The following SPTA1 variants were observed in gnomAD, a reference collection of about 807,000 sequenced individuals.
SPTA1 encodes the protein spectrin alpha chain, erythrocytic 1.
A neutral mutation model predicts 324.7 loss-of-function variants in SPTA1; 177 were observed. The observed-to-expected ratio is 0.55, with a 90% CI of 0.48 to 0.62. The LOEUF (loss-of-function observed/expected upper bound fraction) is 0.62. Among genes scored for constraint, SPTA1 ranks in the 20% least tolerant of loss-of-function variants. SPTA1 has a pLI of 0.00. For missense variants in SPTA1, 3,162 were observed against 2,883.6 expected (o/e 1.10, Z -2.21); for synonymous variants, 1,195 against 1,041.3 (o/e 1.15, Z -2.84).
chr1:158,666,141 A>C (rs1013372322), intron 16 of SPTA1, among the ~76,000 whole-genome samples, 175 bp downstream of exon 16: 3 of 152,058 alleles, frequency 2.0e-5, no homozygotes, highest in Admixed American at 1.3e-4. Context: ...ATAATTACTT[A>C]TTAAGTAATA....
intron 16 of SPTA1, among the ~76,000 whole-genome samples, chr1:158,665,419 A>G (rs16840479): frequency 0.03 from 3,107 of 103,960 alleles, 103 homozygotes; most frequent in African/African-American, 0.14. Flanking sequence ...AGTAGGCATC[A>G]TGAAAGTGTA....
At chr1:158,650,567 C>T (rs779163553) in intron 24 of SPTA1, among the ~76,000 whole-genome samples, 3 of 152,182 alleles carry the variant, frequency 2.0e-5, no homozygotes, top group Non-Finnish European at 2.9e-5. Context: ...CTATATTCTC[C>T]TTCTTCAGCA....
Position 158,616,044 on chromosome 1 carries a change from G to GA in SPTA1, c.6601-642dup, listed in dbSNP as rs1295756543. ...TATTCTGATGATTGTGGAGTGCAGTGAAAAAAATGTGGGATATGACAAAGC... is the reference window on the plus strand; with the variant it reads ...TATTCTGATGATTGTGGAGTGCAGTGAAAAAAAATGTGGGATATGACAAAGC... On this transcript the variant is annotated intron_variant, in intron 47 of 51. Transcript: ENST00000643759. Among the ~76,000 whole-genome samples the GA allele has an allele frequency of 3.3e-5, 5 of 152,172 alleles. No homozygotes were observed. The East Asian group carries it at 7.7e-4, about 24-fold the overall frequency.
chr1:158,671,628 A>G (rs1415746431), intron 11 of SPTA1, among the ~76,000 whole-genome samples, 175 bp from the exon 12 acceptor site: 1 of 152,130 alleles, frequency 6.6e-6, no homozygotes, highest in African/African-American at 2.4e-5. Context: ...CTCCTTCCTG[A>G]TACTCTCATA....
Position 158,615,283 on chromosome 1 carries a change from G to C in SPTA1, c.6721C>G (p.Gln2241Glu). Residue 2241 changes from glutamine (Q) to glutamate (E), a missense_variant, in exon 48 of 52, where the codon CAG becomes GAG. Transcript: ENST00000643759. The stretch of plus-strand genomic sequence containing the variant: ...CCAAGCTGGTAGAGCTGGTCCCACT[G>C]CTGAGCCAATCCAATGGTGCTGTAT... Reference protein sequence around the residue: ...IKYSTIGLAQQWDQLYQLGLR... With the variant: ...IKYSTIGLAQEWDQLYQLGLR... 6.2e-7 allele frequency: 1 copy of C among 1,614,020 alleles called. No homozygotes were observed. Among genetic ancestry groups the C allele is most frequent in the Non-Finnish European group, 8.5e-7 (1 of 1,180,018 alleles).
chr1:158,644,627 T>G (rs1410988325), intron 29 of SPTA1, among the ~76,000 whole-genome samples: 2 of 152,186 alleles, frequency 1.3e-5, no homozygotes, highest in African/African-American at 2.4e-5. Context: ...CTATTTCCTA[T>G]TTCTTAAACC....
At chr1:158,654,181 A>T (rs1489184926) in intron 21 of SPTA1, among the ~76,000 whole-genome samples, 3 of 152,240 alleles carry the variant, frequency 2.0e-5, no homozygotes, top group Non-Finnish European at 4.4e-5. Context: ...CAGGCACAAG[A>T]TCTAAAGAAA....
Position 158,645,390 on chromosome 1 carries a change from G to T in SPTA1, c.3997-5C>A, listed in dbSNP as rs374510886. ...CTCCATGTCAGCACGGTGCTCCTGT[G>T]GGAAAAAGGGGGAAGAAATCAGTGA... On this transcript the variant is annotated splice_region_variant and splice_polypyrimidine_tract_variant and intron_variant, in intron 28 of 51. Transcript: ENST00000643759. 3 of 1,613,782 alleles carry T rather than the reference G, an allele frequency of 1.9e-6. No homozygotes were observed. In the East Asian group the frequency reaches 6.7e-5, roughly 36 times the overall value.
chr1:158,625,338 G>A (rs182204578), intron 42 of SPTA1, among the ~76,000 whole-genome samples: 10 of 152,116 alleles, frequency 6.6e-5, no homozygotes, highest in Admixed American at 2.6e-4. Context: ...TTCACAATTC[G>A]AAATGTCAAC....
intron 29 of SPTA1, 91 bp downstream of exon 29, chr1:158,645,097 G>A (rs1269209973): frequency 4.4e-6 from 6 of 1,353,642 alleles, no homozygotes; most frequent in African/African-American, 4.3e-5. Flanking sequence ...AACGTGGAAA[G>A]TCTAGTGAAC....
At chr1:158,670,910 G>C (rs1405404951) in intron 12 of SPTA1, among the ~76,000 whole-genome samples, 2 of 151,626 alleles carry the variant, frequency 1.3e-5, no homozygotes. Flanking sequence ...TCTAAGTAAT[G>C]ATTCTATACT....
In SPTA1 at chr1:158,669,734, T is replaced by C. The variant is rs553539451; in HGVS notation, c.1652A>G (p.Glu551Gly). Residue 551 changes from glutamate to glycine, a missense_variant, in exon 13 of 52, where the codon GAG (glutamate) becomes GGG (glycine). Physicochemically the swap from Glu to Gly is moderately conservative, Grantham distance 98. Transcript: ENST00000643759. ...KLIGDDHYDS[E>G]NIKAIRDGLL... ...CCCGTCACGGATAGCCTTGATGTTC[T>C]CTGAATCATAATGGTCATCACCAAT... 1.4e-5 allele frequency: 22 copies of C among 1,614,152 alleles called. No homozygotes were observed. In the South Asian group the frequency reaches 1.9e-4, roughly 14 times the overall value.
At chr1:158,670,164 T>A (rs1052914653) in intron 12 of SPTA1, among the ~76,000 whole-genome samples, 2 of 152,192 alleles carry the variant, frequency 1.3e-5, no homozygotes, top group Non-Finnish European at 1.5e-5. Flanking sequence ...TATATCTCTA[T>A]CTCTATCTCA....
Position 158,611,378 on chromosome 1 carries a change from T to A in SPTA1, c.7146A>T (p.Pro2382=). The A allele has an allele frequency of 6.2e-7, 1 of 1,613,710 alleles. No homozygotes were observed. The highest frequency in any genetic ancestry group is 8.5e-7 in the Non-Finnish European group (1 of 1,179,710). Residue 2382 remains proline, a synonymous_variant, in exon 52 of 52, where the codon CCA becomes CCT. Transcript: ENST00000643759. The part of the protein sequence containing the change: ...TKEDMKQALT[P]EQVSFCATHM... ...GTGTGGCACAGAATGACACTTGCTC[T>A]GGGGTAAGGGCCTGAAAAGTATAAA...
At chr1:158,631,733 T>C (rs948790823) in intron 39 of SPTA1, among the ~76,000 whole-genome samples, 1 of 152,042 alleles carries the variant, frequency 6.6e-6, no homozygotes, top group Non-Finnish European at 1.5e-5. Context: ...AAATGCAAAT[T>C]AAACCATAAT....
chr1:158,653,452 G>A (rs1400661337), intron 21 of SPTA1, 27 bp from the exon 22 acceptor site: 8 of 1,613,088 alleles, frequency 5.0e-6, no homozygotes, highest in South Asian at 4.4e-5. Flanking sequence ...TCCCCACTCC[G>A]TCATTAATTC....
intron 30 of SPTA1, among the ~76,000 whole-genome samples, chr1:158,643,952 C>T (rs995916993): frequency 2.6e-5 from 4 of 151,944 alleles, no homozygotes; most frequent in African/African-American, 7.3e-5. Context: ...GCCTGGCTAA[C>T]ATGGTGAAAT....
intron 18 of SPTA1, among the ~76,000 whole-genome samples, chr1:158,660,064 C>G (rs1255993636): frequency 1.3e-5 from 2 of 151,814 alleles, no homozygotes; most frequent in African/African-American, 4.8e-5. Context: ...GCTAATAGGC[C>G]AATTTGAAGA....
At chr1:158,629,121 AGATAGATAGATAGAT>A (rs1390440936) in intron 39 of SPTA1, among the ~76,000 whole-genome samples, 1 of 138,970 alleles carries the variant, frequency 7.2e-6, no homozygotes, top group Non-Finnish European at 1.6e-5. Context: ...TTCTCTCAAT[AGATAGATAGATAGAT>A]GATAGATAGA....
Sources: allele counts gnomAD v4.1 joint callset (sites outside exome capture counted in the v4.1 genomes callset), GRCh38; gene constraint gnomAD v4.1.1; transcripts MANE v1.5; gene names NCBI Gene and HGNC (gene_info 2026-07-23, HGNC 2026-07-21).